The following ULK4 variants were observed in gnomAD, a reference collection of about 807,000 sequenced individuals.
ULK4 encodes inactive serine/threonine-protein kinase ULK4.
In ULK4, 133 loss-of-function variants were observed where a neutral mutation model predicts 160.6. That is an observed-to-expected ratio of 0.83 (90% CI 0.72 to 0.96). The LOEUF (loss-of-function observed/expected upper bound fraction) is 0.96. ULK4 is among the 40% of genes least tolerant of loss of function. ULK4 has a pLI of 0.00. For synonymous variants in ULK4, 534 were observed against 539.8 expected (o/e 0.99, Z 0.15); for missense variants, 1,580 against 1,499.5 (o/e 1.05, Z -0.89).
chr3:41,264,643 G>GA (rs553248003), intron 35 of ULK4, among the ~76,000 whole-genome samples: 1 of 152,114 alleles, frequency 6.6e-6, no homozygotes, highest in African/African-American at 2.4e-5. Flanking sequence ...CAAAGAAGGG[G>GA]AAAAAAAGAG....
intron 22 of ULK4, among the ~76,000 whole-genome samples, chr3:41,739,079 C>T (rs971254964): frequency 2.0e-5 from 3 of 151,926 alleles, no homozygotes; most frequent in Non-Finnish European, 2.9e-5. Flanking sequence ...ATAAACATTA[C>T]GATTGAAACC....
chr3:41,938,562 AT>A (rs1699855232), intron 2 of ULK4, among the ~76,000 whole-genome samples: 1 of 152,118 alleles, frequency 6.6e-6, no homozygotes, highest in Admixed American at 6.6e-5. Context: ...CGCGCCTGAA[AT>A]TCGAGCTACT....
At chr3:41,909,630 G>A (rs1184109001) in intron 11 of ULK4, among the ~76,000 whole-genome samples, 5 of 151,816 alleles carry the variant, frequency 3.3e-5, no homozygotes, top group African/African-American at 9.7e-5. Flanking sequence ...CATGAGAATC[G>A]CTTGAACCAG....
intron 30 of ULK4, among the ~76,000 whole-genome samples, chr3:41,647,941 G>A (rs1265796421): frequency 2.0e-5 from 3 of 152,194 alleles, no homozygotes; most frequent in African/African-American, 7.2e-5. Context: ...CTTGCAGTTT[G>A]ATCTCAGACT....
At chr3:41,547,299 A>C (rs1256383080) in intron 32 of ULK4, among the ~76,000 whole-genome samples, 2 of 152,184 alleles carry the variant, frequency 1.3e-5, no homozygotes, top group South Asian at 4.1e-4. Flanking sequence ...GGAAGGACCA[A>C]AACAGTAAGG....
chr3:41,750,119 T>C (rs1472569147), intron 22 of ULK4, among the ~76,000 whole-genome samples: 3 of 152,178 alleles, frequency 2.0e-5, no homozygotes, highest in Admixed American at 1.3e-4. Context: ...GTATGTGAGA[T>C]GTGAGCAGAG....
intron 30 of ULK4, among the ~76,000 whole-genome samples, chr3:41,616,182 G>A (rs7624654): frequency 0.37 from 56,411 of 151,982 alleles, 14,415 homozygotes; most frequent in African/African-American, 0.73. Context: ...TTAGACACCA[G>A]TCACCTGGTA....
At chr3:41,915,911 A>G (rs1053701889) in intron 8 of ULK4, 66 bp downstream of exon 8, 29 of 1,077,744 alleles carry the variant, frequency 2.7e-5, no homozygotes, top group Non-Finnish European at 3.9e-5. Flanking sequence ...CCATTAAAAT[A>G]CTGCCCCTTA....
chr3:41,539,040 T>TG (rs2086608717), intron 32 of ULK4, among the ~76,000 whole-genome samples: 1 of 151,390 alleles, frequency 6.6e-6, no homozygotes, highest in Non-Finnish European at 1.5e-5. Context: ...TCTTAGTTTT[T>TG]TTTTTTTTTT....
chr3:41,663,380 A>G (rs576994104), intron 30 of ULK4, among the ~76,000 whole-genome samples: 1 of 152,232 alleles, frequency 6.6e-6, no homozygotes, highest in Non-Finnish European at 1.5e-5. Flanking sequence ...ATTTTAAAGC[A>G]GCATGCATTC....
intron 9 of ULK4, among the ~76,000 whole-genome samples, chr3:41,911,884 G>A (rs1290399984): frequency 6.6e-6 from 1 of 152,174 alleles, no homozygotes; most frequent in Non-Finnish European, 1.5e-5. Flanking sequence ...CAGGCGTGGT[G>A]GTACACACCT....
intron 21 of ULK4, among the ~76,000 whole-genome samples, chr3:41,758,978 C>T (rs1267225704): frequency 6.6e-6 from 1 of 151,822 alleles, no homozygotes; most frequent in Non-Finnish European, 1.5e-5. Context: ...CAAAATTCAA[C>T]ATCCATTCAT....
Position 41,473,210 on chromosome 3 carries a change from T to C in ULK4, c.3227-9957A>G, listed in dbSNP as rs148843689. On this transcript the variant is annotated intron_variant, in intron 32 of 36. Coordinates refer to ENST00000301831, the MANE Select transcript of ULK4 (RefSeq NM_017886.4). Reference sequence around the variant, plus strand: ...CAAGGATGCCCACTCTTGCCACTTATATTGAACACAGTATTAGAAGACTTT... The same window carrying C: ...CAAGGATGCCCACTCTTGCCACTTACATTGAACACAGTATTAGAAGACTTT... Among the ~76,000 whole-genome samples, 824 of 152,254 alleles carry C rather than the reference T, an allele frequency of 5.4e-3. 6 individuals carry two copies. The highest frequency in any genetic ancestry group is 0.019 in the African/African-American group (800 of 41,538).
rs1378359037 is a variant in ULK4 at position 41,641,793 on chromosome 3, G to A, written c.3071+21814C>T. ...TAACATATTTTTCCCAATTACCCAA[G>A]AAGAGTAATTGTTTCCTAATAATTG... On this transcript the variant is annotated intron_variant, in intron 30 of 36. Coordinates refer to ENST00000301831, the MANE Select transcript of ULK4 (RefSeq NM_017886.4). Among the ~76,000 whole-genome samples the A allele has an allele frequency of 2.7e-5, 4 of 146,870 alleles. No individual in the cohort carries two copies. In the South Asian group the frequency reaches 6.5e-4, roughly 24 times the overall value.
intron 35 of ULK4, among the ~76,000 whole-genome samples, chr3:41,344,552 G>A (rs2080756673): frequency 1.3e-5 from 2 of 152,008 alleles, no homozygotes. Flanking sequence ...AGGAGTTTGA[G>A]ACCGGCCTGG....
chr3:41,732,342 A>G (rs1298708549), intron 22 of ULK4, among the ~76,000 whole-genome samples: 1 of 152,228 alleles, frequency 6.6e-6, no homozygotes, highest in Non-Finnish European at 1.5e-5. Flanking sequence ...ACAAATGGCC[A>G]ACAGGTATAT....
intron 30 of ULK4, among the ~76,000 whole-genome samples, chr3:41,661,503 AGATAGAT>A (rs200089077): frequency 0.088 from 11,954 of 135,512 alleles, 802 homozygotes; most frequent in African/African-American, 0.29. Context: ...ACAGATAGAT[AGATAGAT>A]GATAGATAGA....
chr3:41,246,791 C>G lies in ULK4; in HGVS notation c.*138G>C. On this transcript the variant is annotated 3_prime_UTR_variant, in exon 37 of 37. Transcript: ENST00000301831. ...TGGGGTTAGTGAGCACTTGGGCCAC[C>G]AGGTTCTGGGTTAAGCTGACTTTAT... is the stretch of plus-strand genomic sequence containing the variant. The G allele has an allele frequency of 3.0e-6, 3 of 1,015,566 alleles. No individual in the cohort carries two copies. The highest frequency in any genetic ancestry group is 4.3e-6 in the Non-Finnish European group (3 of 698,510). 62.9% of individuals were successfully genotyped at this position (1,015,566 alleles called of 1,614,324 possible). A position where few individuals can be genotyped will look rare whatever the true frequency, so the allele number is the denominator to read the frequency against.
chr3:41,736,894 T>C (rs1047407035), intron 22 of ULK4, among the ~76,000 whole-genome samples: 1 of 151,874 alleles, frequency 6.6e-6, no homozygotes, highest in Non-Finnish European at 1.5e-5. Context: ...GGGATCCAGT[T>C]TCAGCTTTCT....
Sources: gnomAD v4.1 joint callset for allele counts (sites outside exome capture counted in the v4.1 genomes callset) on GRCh38, gnomAD v4.1.1 for gene constraint, MANE v1.5 for transcripts, NCBI Gene and HGNC (gene_info 2026-07-23, HGNC 2026-07-21) for gene names.